TAFA5: variants seen among roughly 807,000 people sequenced by gnomAD.
TAFA5 encodes the protein TAFA chemokine like family member 5.
Under a neutral mutation model 15.3 loss-of-function variants are expected in TAFA5, and 6 were observed. That is an observed-to-expected ratio of 0.39 (90% confidence interval 0.21 to 0.77). The LOEUF (loss-of-function observed/expected upper bound fraction) is 0.77, where lower values mean the gene tolerates loss of function less well. Ranked by LOEUF, TAFA5 falls within the 30% of genes least tolerant of loss-of-function variation. The pLI, the probability that TAFA5 is intolerant of heterozygous loss-of-function variation, is 0.41. For missense variants in TAFA5, 161 were observed against 193.1 expected, an observed-to-expected ratio of 0.83 and a Z score of 0.98; for synonymous variants, 103 against 80.7, an observed-to-expected ratio of 1.28 and a Z score of -1.48.
intron 2 of TAFA5, among the ~76,000 whole-genome samples, chr22:48,665,296 C>T (rs1204015812): frequency 6.6e-6 from 1 of 152,128 alleles, no homozygotes; most frequent in Non-Finnish European, 1.5e-5. Context: ...GGAGCTCTTC[C>T]TATATGCTCC....
chr22:48,714,865 C>T (rs1025499010), intron 3 of TAFA5, among the ~76,000 whole-genome samples: 1 of 152,186 alleles, frequency 6.6e-6, no homozygotes, highest in African/African-American at 2.4e-5. Flanking sequence ...CGAGGAGGCC[C>T]CTCTTTTGCC....
chr22:48,563,759 C>G (rs1019216287), intron 1 of TAFA5, among the ~76,000 whole-genome samples: 1 of 152,222 alleles, frequency 6.6e-6, no homozygotes, highest in African/African-American at 2.4e-5. Context: ...TGGGAGGACA[C>G]CAGCTTCCTG....
At chr22:48,494,868 G>C (rs1219493726) in intron 1 of TAFA5, among the ~76,000 whole-genome samples, 1 of 152,250 alleles carries the variant, frequency 6.6e-6, no homozygotes, top group Admixed American at 6.5e-5. Flanking sequence ...GGCGAATGTG[G>C]TAGAGGGCTC....
At chr22:48,602,932 C>A (rs1925028639) in intron 1 of TAFA5, among the ~76,000 whole-genome samples, 1 of 152,136 alleles carries the variant, frequency 6.6e-6, no homozygotes, top group African/African-American at 2.4e-5. Context: ...GCCCCTGAGG[C>A]CGAGAGGCCC....
chr22:48,680,303 A>G (rs965941999), intron 2 of TAFA5, among the ~76,000 whole-genome samples: 2 of 152,242 alleles, frequency 1.3e-5, no homozygotes, highest in Non-Finnish European at 2.9e-5. Flanking sequence ...GGTTGCTGCC[A>G]GCTTTTGCTG....
chr22:48,725,272 A>T lies in TAFA5; in HGVS notation c.390+17428A>T, dbSNP rs540824933. On this transcript the variant is annotated intron_variant, in intron 3 of 3. Transcript: ENST00000402357. ...GCCCCATGGCTCATTCTAGACCAGG[A>T]TTGATTGACCTCTGCCGGTTTAAAA... 3.9e-5 allele frequency among the ~76,000 whole-genome samples: 6 copies of T among 152,294 alleles called. No homozygotes were observed. In the South Asian group the frequency reaches 6.2e-4, roughly 16 times the overall value.
chr22:48,586,613 G>A (rs1051453054), intron 1 of TAFA5, among the ~76,000 whole-genome samples: 1 of 152,252 alleles, frequency 6.6e-6, no homozygotes, highest in South Asian at 2.1e-4. Flanking sequence ...GGACTGCGCT[G>A]TCTGGAGAGG....
intron 1 of TAFA5, among the ~76,000 whole-genome samples, chr22:48,595,293 A>G (rs554115010): frequency 3.3e-5 from 5 of 152,300 alleles, no homozygotes; most frequent in Non-Finnish European, 7.3e-5. Context: ...TCAGGGAGAC[A>G]TGGTTCCCCA....
At chr22:48,724,171 G>C (rs1372457365) in intron 3 of TAFA5, among the ~76,000 whole-genome samples, 2 of 152,052 alleles carry the variant, frequency 1.3e-5, no homozygotes, top group African/African-American at 4.8e-5. Flanking sequence ...GCAAGCAGGA[G>C]AGACTCGGGG....
chr22:48,595,598 T>C (rs2147161033), intron 1 of TAFA5, among the ~76,000 whole-genome samples: 1 of 152,296 alleles, frequency 6.6e-6, no homozygotes, highest in East Asian at 1.9e-4. Flanking sequence ...CAAGCCACAA[T>C]AAGGGAGATG....
chr22:48,499,887 G>A (rs961675109), intron 1 of TAFA5, among the ~76,000 whole-genome samples: 7 of 152,124 alleles, frequency 4.6e-5, no homozygotes, highest in African/African-American at 9.7e-5. Flanking sequence ...TGTGCGTTCC[G>A]GGGTGTTAGA....
At chr22:48,504,934 C>G (rs1372498859) in intron 1 of TAFA5, among the ~76,000 whole-genome samples, 1 of 152,200 alleles carries the variant, frequency 6.6e-6, no homozygotes, top group Non-Finnish European at 1.5e-5. Context: ...TGAGCCTCCT[C>G]TGACCTCTGA....
chr22:48,621,513 T>C (rs1925837699), intron 1 of TAFA5, among the ~76,000 whole-genome samples: 1 of 152,022 alleles, frequency 6.6e-6, no homozygotes, highest in South Asian at 2.1e-4. Flanking sequence ...TAGGGGCTGT[T>C]GGGCCCATGC....
intron 1 of TAFA5, among the ~76,000 whole-genome samples, chr22:48,601,795 G>C (rs1039072793): frequency 2.0e-5 from 3 of 152,188 alleles, no homozygotes; most frequent in African/African-American, 7.2e-5. Context: ...CACGCCATCT[G>C]TGAGAGTGCG....
At chr22:48,495,546 G>C (rs1928295380) in intron 1 of TAFA5, among the ~76,000 whole-genome samples, 1 of 152,078 alleles carries the variant, frequency 6.6e-6, no homozygotes, top group Non-Finnish European at 1.5e-5. Flanking sequence ...TTTCCATCTG[G>C]GGAGGCTCCT....
chr22:48,664,554 A>G (rs1251062898), intron 2 of TAFA5, among the ~76,000 whole-genome samples: 2 of 152,210 alleles, frequency 1.3e-5, no homozygotes, highest in African/African-American at 2.4e-5. Context: ...TGACACATCT[A>G]TACAGGCAAA....
intron 1 of TAFA5, among the ~76,000 whole-genome samples, chr22:48,534,383 C>A (rs144329717): frequency 6.6e-6 from 1 of 152,060 alleles, no homozygotes; most frequent in Non-Finnish European, 1.5e-5. Context: ...TGGGGCCGGG[C>A]GTTCCTCCGG....
chr22:48,585,205 C>CCA (rs909088626), intron 1 of TAFA5, among the ~76,000 whole-genome samples: 4 of 140,642 alleles, frequency 2.8e-5, no homozygotes, highest in Non-Finnish European at 6.3e-5. Context: ...ATGCCAAACA[C>CCA]CACACACACA....
chr22:48,525,136 A>G (rs1216418744), intron 1 of TAFA5, among the ~76,000 whole-genome samples: 1 of 152,142 alleles, frequency 6.6e-6, no homozygotes, highest in East Asian at 1.9e-4. Flanking sequence ...GTCCTCTCCC[A>G]TCCCAAGACC....
Sources: gnomAD v4.1 joint callset for allele counts (sites outside exome capture counted in the v4.1 genomes callset) on GRCh38, gnomAD v4.1.1 for gene constraint, MANE v1.5 for transcripts, NCBI Gene and HGNC (gene_info 2026-07-23, HGNC 2026-07-21) for gene names.